Variants in SUPT6H observed in about 807,000 individuals in gnomAD.
SUPT6H encodes the protein SPT6 homolog, histone chaperone and transcription elongation factor, also known as transcription elongation factor SPT6.
A neutral mutation model predicts 222.3 loss-of-function variants in SUPT6H; 11 were observed. That is an observed-to-expected ratio of 0.05 (90% CI 0.03 to 0.08). SUPT6H has a LOEUF of 0.08. Among genes scored for constraint, SUPT6H ranks in the 10% least tolerant of loss-of-function variants. SUPT6H has a pLI of 1.00. For missense variants in SUPT6H, 1,422 were observed against 2,216.0 expected (o/e 0.64, Z 7.19); for synonymous variants, 762 against 801.2 (o/e 0.95, Z 0.83).
rs2072069935 is a variant in SUPT6H at position 28,662,322 on chromosome 17, G to C, written c.-52G>C. ...CTCGGTGGGGGCTTAGCGCACTGGAGGAGCGGCGGGCTTCAGACAGGTAAA... is the reference window on the plus strand; with the variant it reads ...CTCGGTGGGGGCTTAGCGCACTGGACGAGCGGCGGGCTTCAGACAGGTAAA... On this transcript the variant is annotated 5_prime_UTR_variant, in exon 1 of 37. Coordinates refer to ENST00000314616, the MANE Select transcript of SUPT6H (RefSeq NM_003170.5). 6.2e-6 allele frequency: 1 copy of C among 162,022 alleles called. No homozygotes were observed. Among genetic ancestry groups the C allele is most frequent in the Non-Finnish European group, 1.4e-5 (1 of 72,150 alleles). 10.0% of individuals were successfully genotyped at this position (162,022 alleles called of 1,614,324 possible).
chr17:28,666,174 C>T (rs978497517), intron 1 of SUPT6H, among the ~76,000 whole-genome samples: 6 of 152,206 alleles, frequency 3.9e-5, no homozygotes, highest in Non-Finnish European at 2.9e-5. Context: ...CTCTTAAGGT[C>T]TTTGTTTAAA....
At chr17:28,692,991 ACT>A (rs1278623542) in intron 27 of SUPT6H, among the ~76,000 whole-genome samples, 2 of 140,170 alleles carry the variant, frequency 1.4e-5, no homozygotes, top group Non-Finnish European at 3.1e-5. Context: ...ACAGAGCAAG[ACT>A]CTGTCTCAAA....
intron 36 of SUPT6H, 54 bp downstream of exon 36, chr17:28,701,182 C>A (rs2032115208): frequency 1.3e-6 from 2 of 1,548,374 alleles, no homozygotes; most frequent in Admixed American, 3.7e-5. Context: ...CAGGTGTTGT[C>A]AAGAGGCCGA....
In SUPT6H at chr17:28,700,243, C is replaced by T. The variant is rs1223013076; in HGVS notation, c.4632C>T (p.Asn1544=). The T allele has an allele frequency of 1.2e-6, 2 of 1,614,236 alleles. No homozygotes were observed. The highest frequency in any genetic ancestry group is 1.1e-5 in the South Asian group (1 of 91,088). The change falls in exon 34 of 37, where the codon AAC becomes AAT. Residue 1544 remains asparagine, a synonymous_variant. Coordinates refer to ENST00000314616, the MANE Select transcript of SUPT6H (RefSeq NM_003170.5). The part of the protein sequence containing the change: ...ASINATPANI[N]LADLTRAVNA... The stretch of plus-strand genomic sequence containing the variant: ...TCAATGCTACCCCAGCCAACATCAA[C>T]CTTGCAGGTGAGGAGCTTGAGCCTG...
rs1567697684 is a variant in SUPT6H, at chr17:28,686,425, G to T, written c.2564+10G>T. On this transcript the variant is annotated intron_variant, in intron 20 of 36. Transcript: ENST00000314616. ...TTGCAGGAGAGAACAGGTAGGTAGG[G>T]ATTAGACCACACCTGGTTTAAGGCC... 3 of 1,613,748 alleles carry T rather than the reference G, an allele frequency of 1.9e-6. No individual in the cohort carries two copies. Among genetic ancestry groups the T allele is most frequent in the Non-Finnish European group, 1.7e-6 (2 of 1,179,716 alleles).
Position 28,686,685 on chromosome 17 carries a change from C to G in SUPT6H, c.2596C>G (p.Arg866Gly). 1 of 1,604,484 alleles carries G rather than the reference C, an allele frequency of 6.2e-7. No individual in the cohort carries two copies. The highest frequency in any genetic ancestry group is 8.5e-7 in the Non-Finnish European group (1 of 1,176,846). The change falls in exon 21 of 37, where the codon CGC becomes GGC. Residue 866 changes from arginine (R) to glycine (G), a missense_variant. Transcript: ENST00000314616. ...DAQMLIEDVK[R>G]IVHELDQGQQ... is the part of the protein sequence containing the mutation. ...CCAGATGTTGATTGAAGATGTGAAG[C>G]GCATTGTACATGAGCTGGACCAGGG...
chr17:28,668,535 G>T (rs145485733), intron 1 of SUPT6H, among the ~76,000 whole-genome samples: 2 of 152,206 alleles, frequency 1.3e-5, no homozygotes, highest in African/African-American at 4.8e-5. Flanking sequence ...TAACCTAGGC[G>T]ATGGGAAGAA....
intron 27 of SUPT6H, chr17:28,691,863 A>AG (rs1281602748): frequency 6.6e-6 from 1 of 152,028 alleles, no homozygotes; most frequent in African/African-American, 2.4e-5. Flanking sequence ...AAAAAAAAAA[A>AG]AGAAACTTCT....
chr17:28,669,235 C>G (rs1004856948), intron 1 of SUPT6H, among the ~76,000 whole-genome samples: 1 of 152,156 alleles, frequency 6.6e-6, no homozygotes, highest in Admixed American at 6.5e-5. Flanking sequence ...GACGGAGTCT[C>G]ACTGTCGGTG....
intron 1 of SUPT6H, among the ~76,000 whole-genome samples, chr17:28,663,844 T>TTTTTTG: frequency 7.3e-6 from 1 of 136,082 alleles, no homozygotes; most frequent in African/African-American, 2.8e-5. Context: ...TTTTTTTTTT[T>TTTTTTG]TGTGGAGACA....
Position 28,700,164 on chromosome 17 carries a change from T to G in SUPT6H, c.4562-9T>G. 6.2e-7 allele frequency: 1 copy of G among 1,614,166 alleles called. No homozygotes were observed. The highest frequency in any genetic ancestry group is 1.1e-5 in the South Asian group (1 of 91,084). ...TGGAGGGATGTAACTAAATAATCAC[T>G]TCCTGCAGGCATCACCCCTAGCAGC... On this transcript the variant is annotated splice_polypyrimidine_tract_variant and intron_variant, in intron 33 of 36. Transcript: ENST00000314616.
chr17:28,700,068 C>T (rs2032070431), intron 33 of SUPT6H, 105 bp from the exon 34 acceptor site: 1 of 1,534,722 alleles, frequency 6.5e-7, no homozygotes, highest in Non-Finnish European at 9.0e-7. Flanking sequence ...GCCTATGCAG[C>T]TTCCCTTCCT....
chr17:28,699,248 C>T (rs955296806), intron 32 of SUPT6H, among the ~76,000 whole-genome samples: 1 of 152,210 alleles, frequency 6.6e-6, no homozygotes, highest in Admixed American at 6.5e-5. Flanking sequence ...AGCAGAGATT[C>T]AAGTTTGGTA....
At chr17:28,671,913 G>T (rs1033745917) in intron 1 of SUPT6H, among the ~76,000 whole-genome samples, 3 of 152,248 alleles carry the variant, frequency 2.0e-5, no homozygotes, top group African/African-American at 4.8e-5. Context: ...TAGCCCGTAG[G>T]GTATGAAACC....
At chr17:28,663,828 A>ATTTTTTTTTTTTTTT (rs71135839) in intron 1 of SUPT6H, among the ~76,000 whole-genome samples, 1,894 of 38,282 alleles carry the variant, frequency 0.049, 811 homozygotes, top group Non-Finnish European at 0.062. Context: ...TGCCCACTCC[A>ATTTTTTTTTTTTTTT]TTTTTTTTTT....
chr17:28,686,728 T>C lies in SUPT6H; in HGVS notation c.2639T>C (p.Ile880Thr), dbSNP rs777367915. The C allele has an allele frequency of 1.2e-6, 2 of 1,612,706 alleles. No individual in the cohort carries two copies. The highest frequency in any genetic ancestry group is 2.2e-5 in the East Asian group (1 of 44,880). The change falls in exon 21 of 37, where the codon ATT becomes ACT. Residue 880 changes from isoleucine to threonine, a missense_variant. By Grantham distance (89) the Ile-to-Thr change is moderately conservative. Transcript: ENST00000314616. ...GACCAGGGCCAGCAGCTGTCATCTA[T>C]TGGGGTAGAGCTGGTTGACAACGAG... ...ELDQGQQLSS[I>T]GVELVDNELA...
intron 7 of SUPT6H, 33 bp from the exon 8 acceptor site, chr17:28,677,682 G>A (rs1416465055): frequency 1.3e-6 from 2 of 1,494,402 alleles, no homozygotes; most frequent in Admixed American, 3.6e-5. Context: ...ACAAGATAAA[G>A]TCCGTCTCAC....
At chr17:28,700,810 T>A in intron 35 of SUPT6H, 131 bp from the exon 36 acceptor site, 1 of 1,190,414 alleles carries the variant, frequency 8.4e-7, no homozygotes, top group Non-Finnish European at 1.2e-6. Context: ...CCACTGCTGG[T>A]CAGAAGCACA....
At chr17:28,700,658 C>A in intron 35 of SUPT6H, 146 bp downstream of exon 35, 1 of 1,175,438 alleles carries the variant, frequency 8.5e-7, no homozygotes, top group Non-Finnish European at 1.2e-6. Flanking sequence ...GTCCTTAGGC[C>A]CATTTGAAGG....
Sources: allele counts gnomAD v4.1 joint callset (sites outside exome capture counted in the v4.1 genomes callset), GRCh38; gene constraint gnomAD v4.1.1; transcripts MANE v1.5; gene names NCBI Gene and HGNC (gene_info 2026-07-23, HGNC 2026-07-21).